Variants in GRB10 observed in about 807,000 individuals in gnomAD.
GRB10 encodes growth factor receptor bound protein 10.
Under a neutral mutation model 80.9 loss-of-function variants are expected in GRB10, and 20 were observed. The observed-to-expected ratio is 0.25, with a 90% CI of 0.17 to 0.36. The LOEUF (loss-of-function observed/expected upper bound fraction) is 0.36. GRB10 is among the 10% of genes least tolerant of loss of function. GRB10 has a pLI of 1.00. For synonymous variants in GRB10, 291 were observed against 291.5 expected, an observed-to-expected ratio of 1.00 and a Z score of 0.02; for missense variants, 548 against 747.7, an observed-to-expected ratio of 0.73 and a Z score of 3.12.
intron 7 of GRB10, among the ~76,000 whole-genome samples, chr7:50,663,192 G>A (rs959426654): frequency 6.6e-6 from 1 of 152,152 alleles, no homozygotes; most frequent in Non-Finnish European, 1.5e-5. Flanking sequence ...ATGCTGCTGG[G>A]ACATTCCAGT....
intron 2 of GRB10, among the ~76,000 whole-genome samples, chr7:50,765,008 A>C (rs2076184782): frequency 6.6e-6 from 1 of 152,264 alleles, no homozygotes; most frequent in African/African-American, 2.4e-5. Context: ...AAAAATGGGC[A>C]AAACATGTGA....
chr7:50,769,553 C>T (rs912024364), intron 2 of GRB10, among the ~76,000 whole-genome samples: 31 of 152,210 alleles, frequency 2.0e-4, no homozygotes, highest in African/African-American at 7.0e-4. Context: ...TGCCCTTCTA[C>T]AAAGTCAGCT....
chr7:50,669,099 G>C (rs995325514), intron 7 of GRB10, among the ~76,000 whole-genome samples: 1 of 152,194 alleles, frequency 6.6e-6, no homozygotes, highest in South Asian at 2.1e-4. Flanking sequence ...CTATTATTGA[G>C]CCAGTGGTGA....
In GRB10 at chr7:50,730,684, C is replaced by T. The variant is rs573921219; in HGVS notation, c.51+1588G>A. ...GCTCCAGGAAAGCAGCCTGGGGCAT[C>T]GGTGACTACAAACACCTAACAAGGC... is the stretch of plus-strand genomic sequence containing the variant. On this transcript the variant is annotated intron_variant, in intron 4 of 18. Coordinates refer to ENST00000401949, the MANE Select transcript of GRB10 (RefSeq NM_001350814.2). Among the ~76,000 whole-genome samples, 67 of 152,278 alleles carry T rather than the reference C, an allele frequency of 4.4e-4. 2 individuals are homozygous for T. In the South Asian group the frequency reaches 0.013, roughly 31 times the overall value.
intron 7 of GRB10, among the ~76,000 whole-genome samples, chr7:50,637,498 G>A (rs373317993): frequency 2.0e-5 from 3 of 152,004 alleles, no homozygotes; most frequent in African/African-American, 7.2e-5. Context: ...CCAAGGAGGT[G>A]AAAGATTGCC....
intron 2 of GRB10, among the ~76,000 whole-genome samples, chr7:50,773,412 AGGGGAC>A (rs1192581300): frequency 6.5e-5 from 4 of 61,644 alleles, no homozygotes; most frequent in Non-Finnish European, 1.2e-4. Flanking sequence ...GGGAAGGGGA[AGGGGAC>A]GGGGAAGGGA....
chr7:50,742,749 T>C (rs1402166833), intron 3 of GRB10, among the ~76,000 whole-genome samples: 3 of 152,048 alleles, frequency 2.0e-5, no homozygotes, highest in East Asian at 1.9e-4. Context: ...TGGGGGGTAA[T>C]AGTGTTAAAA....
chr7:50,730,214 C>T (rs141984476), intron 4 of GRB10, among the ~76,000 whole-genome samples: 1 of 152,160 alleles, frequency 6.6e-6, no homozygotes, highest in Non-Finnish European at 1.5e-5. Flanking sequence ...CTGCTGCCCT[C>T]CAACAGCAGG....
chr7:50,613,176 T>C (rs1164983972), intron 12 of GRB10, among the ~76,000 whole-genome samples: 1 of 152,092 alleles, frequency 6.6e-6, no homozygotes, highest in East Asian at 1.9e-4. Flanking sequence ...GGAAGAGGCA[T>C]CTAACTCTGT....
In GRB10 at chr7:50,593,060, G is replaced by A. The variant is rs751290362; in HGVS notation, c.1677C>T (p.Asp559=). Residue 559 remains aspartate (D), a synonymous_variant, in exon 19 of 19, where the codon GAC becomes GAT. Coordinates refer to ENST00000401949, the MANE Select transcript of GRB10 (RefSeq NM_001350814.2). The part of the protein sequence containing the change: ...DDGQTFFSLD[D]GNTKFSDLIQ... ...TCAGGTCAGAGAATTTGGTGTTCCC[G>A]TCATCTAGGCTGAAGAACGTCTGCC... The A allele has an allele frequency of 1.5e-5, 24 of 1,614,056 alleles. No homozygotes were observed. The highest frequency in any genetic ancestry group is 8.8e-5 in the South Asian group (8 of 91,090).
intron 7 of GRB10, among the ~76,000 whole-genome samples, chr7:50,631,525 A>C (rs1289277603): frequency 6.6e-6 from 1 of 152,228 alleles, no homozygotes; most frequent in Non-Finnish European, 1.5e-5. Flanking sequence ...TTTAGGATGT[A>C]ATGTAAAATG....
At chr7:50,678,592 G>A (rs2061209150) in intron 5 of GRB10, among the ~76,000 whole-genome samples, 1 of 152,172 alleles carries the variant, frequency 6.6e-6, no homozygotes. Flanking sequence ...TTCTAACGAA[G>A]AGCGACAGTT....
chr7:50,615,804 G>T (rs2050515172), intron 11 of GRB10, among the ~76,000 whole-genome samples: 1 of 152,332 alleles, frequency 6.6e-6, no homozygotes. Flanking sequence ...ATGCAAGCCT[G>T]CAGTTTATTT....
intron 5 of GRB10, among the ~76,000 whole-genome samples, chr7:50,696,369 C>G (rs991907329): frequency 3.9e-5 from 6 of 152,198 alleles, no homozygotes; most frequent in Admixed American, 3.9e-4. Flanking sequence ...CGCCTCTTTC[C>G]AGTTCTCACA....
chr7:50,733,329 T>G (rs1247207359), intron 3 of GRB10, among the ~76,000 whole-genome samples: 5 of 152,102 alleles, frequency 3.3e-5, no homozygotes, highest in African/African-American at 4.8e-5. Flanking sequence ...GCTATTTAAG[T>G]CCCCTCGCCC....
At chr7:50,747,827 A>G (rs2073261120) in intron 3 of GRB10, among the ~76,000 whole-genome samples, 1 of 150,356 alleles carries the variant, frequency 6.7e-6, no homozygotes, top group Non-Finnish European at 1.5e-5. Flanking sequence ...GGGCCTGGGC[A>G]AGTAGAAGGA....
In GRB10 at chr7:50,782,820, C is replaced by T. The variant is rs1265315199; in HGVS notation, c.-723G>A. On this transcript the variant is annotated 5_prime_UTR_variant, in exon 1 of 19. Coordinates refer to ENST00000401949, the MANE Select transcript of GRB10 (RefSeq NM_001350814.2). The surrounding 1 kb of genome is among the most constrained non-coding windows in gnomAD (Gnocchi z 6.6). ...CTGCCGCCCGGCTGCAATACTCAGC[C>T]TCCGAGGGACTGGGCGCTCCTGAGG... 1 of 152,176 alleles carries T rather than the reference C, an allele frequency of 6.6e-6. No individual in the cohort carries two copies. Among genetic ancestry groups the T allele is most frequent in the Non-Finnish European group, 1.5e-5 (1 of 68,036 alleles). 9.4% of individuals were successfully genotyped at this position (152,176 alleles called of 1,614,324 possible). A position where few individuals can be genotyped will look rare whatever the true frequency, so the allele number is the denominator to read the frequency against.
At chr7:50,735,119 C>T (rs1046997204) in intron 3 of GRB10, among the ~76,000 whole-genome samples, 1 of 152,138 alleles carries the variant, frequency 6.6e-6, no homozygotes, top group African/African-American at 2.4e-5. Flanking sequence ...AGCAAAGGTA[C>T]AGGATACAAA....
intron 2 of GRB10, among the ~76,000 whole-genome samples, chr7:50,765,532 A>C (rs1439791064): frequency 6.6e-6 from 1 of 152,188 alleles, no homozygotes; most frequent in East Asian, 1.9e-4. Context: ...ATTAACCTGG[A>C]AGACAGGCAT....
Sources: gnomAD v4.1 joint callset for allele counts (sites outside exome capture counted in the v4.1 genomes callset) on GRCh38, gnomAD v4.1.1 for gene constraint, Gnocchi (gnomAD v3.1) non-coding constraint, MANE v1.5 for transcripts, NCBI Gene and HGNC (gene_info 2026-07-23, HGNC 2026-07-21) for gene names.